The following RILPL2 variants were observed in gnomAD, a reference collection of about 807,000 sequenced individuals.
RILPL2 encodes the protein Rab interacting lysosomal protein like 2, also known as RILP-like protein 2.
RILPL2 carries 19 observed loss-of-function variants against 22.2 expected under a neutral mutation model. The observed-to-expected ratio is 0.86, with a 90% CI of 0.60 to 1.25. The LOEUF is 1.25. Ranked by LOEUF, RILPL2 falls within the 50% of genes most tolerant of loss-of-function variation. The probability of loss-of-function intolerance (pLI) is 0.00; values close to 1 mark genes in which losing one functional copy is unlikely to be tolerated. For synonymous variants in RILPL2, 123 were observed against 111.6 expected (o/e 1.10, Z -0.64); for missense variants, 243 against 263.6 (o/e 0.92, Z 0.54).
rs2139258234 is a variant in RILPL2 at position 123,436,029 on chromosome 12, CCTCCTA to C, written c.339+47_339+52del. The C allele has an allele frequency of 6.6e-7, 1 of 1,525,928 alleles. No individual in the cohort carries two copies. The highest frequency in any genetic ancestry group is 2.5e-5 in the East Asian group (1 of 40,704). 94.5% of individuals were successfully genotyped at this position (1,525,928 alleles called of 1,614,324 possible). A position where few individuals can be genotyped will look rare whatever the true frequency, so the allele number is the denominator to read the frequency against. The stretch of plus-strand genomic sequence containing the variant: ...AAGGCGTCTCCCTGCCAGTAGGTGC[CCTCCTA>C]CGCCCCGCAGGCGCCGTGGGCCCGG... On this transcript the variant is annotated intron_variant, in intron 1 of 3. Transcript: ENST00000280571. The surrounding 1 kb of genome is among the most constrained non-coding windows in gnomAD (Gnocchi z 6.7).
Position 123,427,627 on chromosome 12 carries a change from C to T in RILPL2, c.491+2881G>A, listed in dbSNP as rs141274583. Among the ~76,000 whole-genome samples the T allele has an allele frequency of 6.1e-3, 925 of 151,920 alleles. 13 individuals carry two copies. Among genetic ancestry groups the T allele is most frequent in the African/African-American group, 0.021 (885 of 41,398 alleles). On this transcript the variant is annotated intron_variant, in intron 2 of 3. Transcript: ENST00000280571. ...ACACATCTCAGCTCACTGCAACCTG[C>T]GCCTCCTGGGTACAAGCAATTCTCC...
At chr12:123,422,051 G>A (rs2139237938) in intron 3 of RILPL2, among the ~76,000 whole-genome samples, 1 of 147,780 alleles carries the variant, frequency 6.8e-6, no homozygotes, top group East Asian at 2.0e-4. Context: ...TACCCAGGCT[G>A]GAGTGCAGTA....
chr12:123,435,821 C>T (rs1246217005), intron 1 of RILPL2, among the ~76,000 whole-genome samples: 5 of 151,894 alleles, frequency 3.3e-5, no homozygotes, highest in Admixed American at 6.6e-5. Flanking sequence ...GCATTAACTG[C>T]GAACTCGTTA....
intron 3 of RILPL2, among the ~76,000 whole-genome samples, chr12:123,420,456 A>C (rs924265673): frequency 6.8e-6 from 1 of 147,770 alleles, no homozygotes; most frequent in East Asian, 2.0e-4. Flanking sequence ...ATTTTTTTTG[A>C]GACAGAGTCT....
chr12:123,421,370 T>G (rs187790305), intron 3 of RILPL2, among the ~76,000 whole-genome samples: 2 of 152,110 alleles, frequency 1.3e-5, no homozygotes, highest in African/African-American at 4.8e-5. Context: ...TGGGGAATTA[T>G]CTTTCCCTTT....
Position 123,436,373 on chromosome 12 carries a change from C to T in RILPL2, c.48G>A (p.Glu16=). The stretch of plus-strand genomic sequence containing the variant: ...GCCCAACCTCGTCCCTCTCCTCGTC[C>T]TCCTCTCCCTCCTCCTCTTCCTCTT... ...VREEEEEEGE[E]DEERDEVGPE... is the part of the protein sequence containing the mutation. The change falls in exon 1 of 4, where the codon GAG becomes GAA. Residue 16 remains glutamate (E), a synonymous_variant. Transcript: ENST00000280571. The surrounding 1 kb of genome is among the most constrained non-coding windows in gnomAD (Gnocchi z 6.7). 1.3e-6 allele frequency: 2 copies of T among 1,552,616 alleles called. No individual in the cohort carries two copies. The highest frequency in any genetic ancestry group is 1.4e-5 in the African/African-American group (1 of 73,258).
intron 3 of RILPL2, among the ~76,000 whole-genome samples, chr12:123,422,324 T>A (rs1879309324): frequency 6.6e-6 from 1 of 151,730 alleles, no homozygotes; most frequent in South Asian, 2.1e-4. Flanking sequence ...AAGACCAGCC[T>A]GTCCAACATG....
At chr12:123,422,225 T>TC (rs747123147) in intron 3 of RILPL2, among the ~76,000 whole-genome samples, 1 of 145,956 alleles carries the variant, frequency 6.9e-6, no homozygotes, top group Non-Finnish European at 1.5e-5. Context: ...ACCAGCTAAT[T>TC]AAAAAAAAAA....
At chr12:123,425,166 C>T (rs949056844) in intron 2 of RILPL2, among the ~76,000 whole-genome samples, 3 of 151,724 alleles carry the variant, frequency 2.0e-5, no homozygotes, top group Non-Finnish European at 2.9e-5. Context: ...TAAGCCACTG[C>T]GCCCGGCCTT....
rs919757163 is a variant in RILPL2 at position 123,415,507 on chromosome 12, C to G, written c.*384G>C. On this transcript the variant is annotated 3_prime_UTR_variant, in exon 4 of 4. Coordinates refer to ENST00000280571, the MANE Select transcript of RILPL2 (RefSeq NM_145058.3). The stretch of plus-strand genomic sequence containing the variant: ...CACTGGAATCTCAATAGCACATTTT[C>G]CTGCTTTCTTTTCTCCCTTCTGCTA... The G allele has an allele frequency of 4.5e-6, 1 of 220,686 alleles. No homozygotes were observed. Among genetic ancestry groups the G allele is most frequent in the Non-Finnish European group, 9.0e-6 (1 of 111,604 alleles). 13.7% of individuals were successfully genotyped at this position (220,686 alleles called of 1,614,324 possible). A position where few individuals can be genotyped will look rare whatever the true frequency, so the allele number is the denominator to read the frequency against.
intron 2 of RILPL2, among the ~76,000 whole-genome samples, chr12:123,423,723 G>C (rs553866849): frequency 1.3e-5 from 2 of 148,672 alleles, no homozygotes; most frequent in Non-Finnish European, 3.0e-5. Context: ...GCGCGATCTC[G>C]GCTCACTGCA....
Position 123,436,189 on chromosome 12 carries a change from G to A in RILPL2, c.232C>T (p.Leu78=), listed in dbSNP as rs1879793072. The change falls in exon 1 of 4, where the codon CTG becomes TTG. Residue 78 remains leucine (L), a synonymous_variant. Coordinates refer to ENST00000280571, the MANE Select transcript of RILPL2 (RefSeq NM_145058.3). This position sits in a 1 kb window ranked among gnomAD's most constrained non-coding sequence, Gnocchi z 6.7. ...AGCGCCAGGCTGCCCTCATTCACCAGCGCCTCCAGCATCTCCAGGACGCGG... is the reference window on the plus strand; with the variant it reads ...AGCGCCAGGCTGCCCTCATTCACCAACGCCTCCAGCATCTCCAGGACGCGG... ...VVRVLEMLEA[L]VNEGSLALEE... 1.2e-6 allele frequency: 2 copies of A among 1,611,512 alleles called. No homozygotes were observed. Among genetic ancestry groups the A allele is most frequent in the Non-Finnish European group, 1.7e-6 (2 of 1,179,036 alleles).
chr12:123,416,834 C>T (rs1285204917), intron 3 of RILPL2, among the ~76,000 whole-genome samples: 2 of 152,178 alleles, frequency 1.3e-5, no homozygotes, highest in Non-Finnish European at 2.9e-5. Flanking sequence ...ATTAGGTGTC[C>T]TAAGCTCCCG....
intron 1 of RILPL2, among the ~76,000 whole-genome samples, chr12:123,432,482 G>C (rs1011320610): frequency 6.6e-6 from 1 of 152,122 alleles, no homozygotes; most frequent in Non-Finnish European, 1.5e-5. Flanking sequence ...CGCCAGCCTG[G>C]GTGACAAAGT....
chr12:123,412,936 C>G (rs539451298), downstream of RILPL2: 3 of 152,400 alleles, frequency 2.0e-5, no homozygotes, highest in Admixed American at 6.5e-5. Context: ...CGGTGACTCA[C>G]GCCTGTAATC....
At chr12:123,418,225 T>G (rs2139232903) in intron 3 of RILPL2, among the ~76,000 whole-genome samples, 1 of 152,330 alleles carries the variant, frequency 6.6e-6, no homozygotes, top group South Asian at 2.1e-4. Flanking sequence ...CATGAGCCAC[T>G]GCTCCTGTCC....
chr12:123,422,853 A>G (rs1487999592), intron 3 of RILPL2, among the ~76,000 whole-genome samples, 191 bp downstream of exon 3: 1 of 152,200 alleles, frequency 6.6e-6, no homozygotes, highest in African/African-American at 2.4e-5. Flanking sequence ...ATATATGCCA[A>G]GTGCCTAGGC....
chr12:123,430,534 C>G lies in RILPL2; in HGVS notation c.465G>C (p.Val155=). The G allele has an allele frequency of 6.2e-7, 1 of 1,608,018 alleles. No individual in the cohort carries two copies. Among genetic ancestry groups the G allele is most frequent in the South Asian group, 1.1e-5 (1 of 90,642 alleles). ...TCTTGTAGCACTGCAGCTCTTCCTGCACCACCAGGAGCTGCGACTTGAGTT... is the reference window on the plus strand; with the variant it reads ...TCTTGTAGCACTGCAGCTCTTCCTGGACCACCAGGAGCTGCGACTTGAGTT... ...RNKLKSQLLV[V]QEELQCYKSG... The change falls in exon 2 of 4, where the codon GTG becomes GTC. Residue 155 remains valine (V), a synonymous_variant. Transcript: ENST00000280571.
intron 2 of RILPL2, among the ~76,000 whole-genome samples, chr12:123,430,098 T>TA (rs1879576367): frequency 1.7e-4 from 1 of 5,796 alleles, no homozygotes; most frequent in Admixed American, 2.5e-3. Flanking sequence ...GGTGAGACCC[T>TA]CAAAAAAAAA....
Sources: allele counts gnomAD v4.1 joint callset (sites outside exome capture counted in the v4.1 genomes callset), GRCh38; gene constraint gnomAD v4.1.1; non-coding constraint Gnocchi (gnomAD v3.1); transcripts MANE v1.5; gene names NCBI Gene and HGNC (gene_info 2026-07-23, HGNC 2026-07-21).